NF1: variants seen among roughly 807,000 people sequenced by gnomAD.
NF1 encodes neurofibromin 1.
In NF1, 122 loss-of-function variants were observed where a neutral mutation model predicts 325.7. The ratio of observed to expected loss-of-function variants is 0.37; its 90% CI spans 0.32 to 0.44. NF1 has a LOEUF of 0.44. NF1 is among the 20% of genes least tolerant of loss of function. The pLI is 1.00. For synonymous variants in NF1, 1,091 were observed against 1,186.0 expected (o/e 0.92, Z 1.65); for missense variants, 2,140 against 3,415.4 (o/e 0.63, Z 9.31).
At chr17:31,291,759 T>A (rs184936776) in intron 36 of NF1, among the ~76,000 whole-genome samples, 1 of 152,364 alleles carries the variant, frequency 6.6e-6, no homozygotes, top group East Asian at 1.9e-4. Context: ...GAAGCCATCT[T>A]CTCATTCTGC....
At chr17:31,129,716 A>G (rs1420691214) in intron 1 of NF1, among the ~76,000 whole-genome samples, 2 of 152,274 alleles carry the variant, frequency 1.3e-5, no homozygotes, top group African/African-American at 4.8e-5. Flanking sequence ...GGTGTGAGCC[A>G]CTGCGCCCGG....
intron 36 of NF1, chr17:31,296,040 G>T (rs1425753443): frequency 6.2e-7 from 1 of 1,614,088 alleles, no homozygotes; most frequent in Admixed American, 1.7e-5. Context: ...AGAGACCGAG[G>T]TAAGTGAGCA....
Position 31,260,939 on chromosome 17 carries a change from A to G in NF1, c.4577+424A>G, listed in dbSNP as rs537373442. ...GTGATACTCTTAAGTATATGCAAAT[A>G]AAGCTTTATATAGAAAATACCGGCC... On this transcript the variant is annotated intron_variant, in intron 34 of 57. Transcript: ENST00000358273. 8.5e-5 allele frequency among the ~76,000 whole-genome samples: 13 copies of G among 152,286 alleles called. No individual in the cohort carries two copies. The East Asian group carries it at 1.3e-3, about 16-fold the overall frequency.
chr17:31,322,501 CAAAAAAAAAAAAAAAAAAAAAAAAA>C (rs573045083), intron 36 of NF1, among the ~76,000 whole-genome samples: 5 of 44,798 alleles, frequency 1.1e-4, no homozygotes, highest in African/African-American at 4.1e-4. Flanking sequence ...GACTCTGTCT[CAAAAAAAAAAAAAAAAAAAAAAAAA>C]AAAAAAAAAA....
At chr17:31,111,935 C>G (rs1397829865) in intron 1 of NF1, among the ~76,000 whole-genome samples, 1 of 152,102 alleles carries the variant, frequency 6.6e-6, no homozygotes, top group Non-Finnish European at 1.5e-5. Flanking sequence ...ATTTCCACAG[C>G]TTTTAGGTTA....
At chr17:31,350,102 GA>G in intron 49 of NF1, 80 bp from the exon 50 acceptor site, 1 of 1,455,090 alleles carries the variant, frequency 6.9e-7, no homozygotes. Flanking sequence ...TGCTCTTTAG[GA>G]GACTGTAAGA....
chr17:31,274,730 G>GGTAATA lies in NF1; in HGVS notation c.4835+9421_4835+9426dup, dbSNP rs68037843. 5.6e-3 allele frequency among the ~76,000 whole-genome samples: 839 copies of GGTAATA among 150,772 alleles called. 15 individuals are homozygous for GGTAATA. Among genetic ancestry groups the GGTAATA allele is most frequent in the African/African-American group, 0.02 (800 of 40,904 alleles). On this transcript the variant is annotated intron_variant, in intron 36 of 57. Coordinates refer to ENST00000358273, the MANE Select transcript of NF1 (RefSeq NM_001042492.3). ...GGATTTCTTTGGGGGGTATATAGTTGGTAATAGTAATAGTAATAGTAATAG... is the reference window on the plus strand; with the variant it reads ...GGATTTCTTTGGGGGGTATATAGTTGGTAATAGTAATAGTAATAGTAATAGTAATAG...
intron 48 of NF1, among the ~76,000 whole-genome samples, chr17:31,348,726 T>TAA (rs35854297): frequency 0.45 from 66,328 of 148,720 alleles, 16,546 homozygotes; most frequent in Non-Finnish European, 0.57. Flanking sequence ...CATCTTTTCT[T>TAA]AAAAAAAAAA....
At chr17:31,278,456 A>T (rs1311804930) in intron 36 of NF1, among the ~76,000 whole-genome samples, 1 of 38,090 alleles carries the variant, frequency 2.6e-5, no homozygotes, top group Non-Finnish European at 4.6e-5. Flanking sequence ...TCTTTTCTTG[A>T]GTGATATTTG....
intron 48 of NF1, among the ~76,000 whole-genome samples, chr17:31,345,312 G>A (rs1381960930): frequency 6.6e-6 from 1 of 152,126 alleles, no homozygotes; most frequent in East Asian, 1.9e-4. Flanking sequence ...AAATGTTTTT[G>A]TATTCCGCCT....
chr17:31,205,545 A>G (rs1217665214), intron 11 of NF1, among the ~76,000 whole-genome samples: 1 of 152,190 alleles, frequency 6.6e-6, no homozygotes, highest in East Asian at 1.9e-4. Context: ...TAGGCACTAA[A>G]AACTAGACAT....
chr17:31,341,333 T>A (rs1293319527), intron 47 of NF1, among the ~76,000 whole-genome samples: 1 of 152,052 alleles, frequency 6.6e-6, no homozygotes, highest in African/African-American at 2.4e-5. Context: ...GAGAACAGCC[T>A]GGGCAACTTG....
chr17:31,346,818 CTTTTT>C (rs59155043), intron 48 of NF1, among the ~76,000 whole-genome samples: 10 of 108,120 alleles, frequency 9.2e-5, no homozygotes, highest in African/African-American at 3.6e-4. Flanking sequence ...AAGAATTTGG[CTTTTT>C]TTTTTTTTTT....
intron 20 of NF1, among the ~76,000 whole-genome samples, chr17:31,228,762 T>C (rs192886451): frequency 6.6e-6 from 1 of 152,344 alleles, no homozygotes; most frequent in African/African-American, 2.4e-5. Flanking sequence ...TTCTTTCACT[T>C]AGCATGATGT....
intron 51 of NF1, among the ~76,000 whole-genome samples, chr17:31,354,548 A>G (rs2070226635): frequency 6.6e-6 from 1 of 152,230 alleles, no homozygotes; most frequent in Admixed American, 6.5e-5. Flanking sequence ...GAACATGACC[A>G]AATTTTAATT....
Position 31,181,468 on chromosome 17 carries a change from A to G in NF1, c.633A>G (p.Ala211=), listed in dbSNP as rs876660800. The G allele has an allele frequency of 4.3e-6, 7 of 1,613,594 alleles. No individual in the cohort carries two copies. The highest frequency in any genetic ancestry group is 4.0e-5 in the African/African-American group (3 of 75,044). ...CCCTAAAGAAGGTTGCGCAGTTAGC[A>G]GTTATAAATAGCCTGGAAAAGGTAA... ...FKALKKVAQL[A]VINSLEKAFW... Residue 211 remains alanine (A), a synonymous_variant, in exon 6 of 58, where the codon GCA becomes GCG. Transcript: ENST00000358273.
At chr17:31,187,686 A>C (rs1040777388) in intron 8 of NF1, among the ~76,000 whole-genome samples, 5 of 152,196 alleles carry the variant, frequency 3.3e-5, no homozygotes, top group Admixed American at 1.3e-4. Context: ...TCCCATAGCC[A>C]GGATTCCCGG....
At chr17:31,095,835 A>G (rs1195038645) in intron 1 of NF1, among the ~76,000 whole-genome samples, 2 of 152,044 alleles carry the variant, frequency 1.3e-5, no homozygotes, top group Non-Finnish European at 2.9e-5. Context: ...CCTGTCTTAT[A>G]TACCCTCAAT....
rs756565212 is a variant in NF1 at position 31,233,233 on chromosome 17, G to A, written c.3708+20G>A. On this transcript the variant is annotated intron_variant, in intron 27 of 57. Transcript: ENST00000358273. ...CAGTGGGTAAGTGATTAGAGTAAGC[G>A]GGGAAGAAAAGTGCCTGGCACATAG... is the stretch of plus-strand genomic sequence containing the variant. The A allele has an allele frequency of 9.3e-6, 15 of 1,608,112 alleles. No homozygotes were observed. The highest frequency in any genetic ancestry group is 6.7e-5 in the African/African-American group (5 of 74,800).
Sources: gnomAD v4.1 joint callset for allele counts (sites outside exome capture counted in the v4.1 genomes callset) on GRCh38, gnomAD v4.1.1 for gene constraint, MANE v1.5 for transcripts, NCBI Gene and HGNC (gene_info 2026-07-23, HGNC 2026-07-21) for gene names.